The following UNC5B variants were observed in gnomAD, a reference collection of about 807,000 sequenced individuals.
UNC5B encodes the protein unc-5 netrin receptor B.
A neutral mutation model predicts 103.7 loss-of-function variants in UNC5B; 56 were observed. The observed-to-expected ratio is 0.54, with a 90% confidence interval of 0.44 to 0.67. The LOEUF is 0.67. Ranked by LOEUF, UNC5B falls within the 30% of genes least tolerant of loss-of-function variation. The pLI is 0.00. For synonymous variants in UNC5B, 577 were observed against 542.0 expected, an observed-to-expected ratio of 1.06 and a Z score of -0.90; for missense variants, 1,194 against 1,284.5, an observed-to-expected ratio of 0.93 and a Z score of 1.08.
At chr10:71,221,394 G>A (rs920898743) in intron 1 of UNC5B, among the ~76,000 whole-genome samples, 3 of 152,200 alleles carry the variant, frequency 2.0e-5, no homozygotes, top group Admixed American at 6.5e-5. Flanking sequence ...GACTTTGCAG[G>A]CCTGGCCCCC....
At chr10:71,219,910 T>C (rs994044279) in intron 1 of UNC5B, among the ~76,000 whole-genome samples, 44 of 152,208 alleles carry the variant, frequency 2.9e-4, no homozygotes, top group Non-Finnish European at 4.9e-4. Context: ...TTCCAGTTCT[T>C]CTGAGAGCAT....
chr10:71,258,461 TTCC>T lies in UNC5B; in HGVS notation c.80-21353_80-21351del, dbSNP rs141564422. ...TTCTTGAGGGTCCCAAGACCACCCATTCCTCCTCCAAGCCCAGCCCTGTAGCTC... is the reference window on the plus strand; with the variant it reads ...TTCTTGAGGGTCCCAAGACCACCCATTCCTCCAAGCCCAGCCCTGTAGCTC... On this transcript the variant is annotated intron_variant, in intron 1 of 16. Transcript: ENST00000335350. Among the ~76,000 whole-genome samples the T allele has an allele frequency of 3.3e-5, 5 of 152,236 alleles. No homozygotes were observed. In the East Asian group the frequency reaches 9.7e-4, roughly 29 times the overall value.
intron 1 of UNC5B, among the ~76,000 whole-genome samples, chr10:71,279,323 C>G (rs1056118892): frequency 6.6e-6 from 1 of 152,208 alleles, no homozygotes; most frequent in African/African-American, 2.4e-5. Context: ...GCTCCTGTCC[C>G]GCTTGCCAGC....
At chr10:71,251,027 G>T (rs1844160103) in intron 1 of UNC5B, among the ~76,000 whole-genome samples, 1 of 152,170 alleles carries the variant, frequency 6.6e-6, no homozygotes, top group African/African-American at 2.4e-5. Flanking sequence ...CTCAGATCTG[G>T]CTCAGTTGGG....
intron 1 of UNC5B, among the ~76,000 whole-genome samples, chr10:71,224,852 G>A (rs1474311068): frequency 1.3e-5 from 2 of 152,148 alleles, no homozygotes; most frequent in Non-Finnish European, 2.9e-5. Flanking sequence ...TTCTGATATT[G>A]CCTTCTTGAC....
intron 1 of UNC5B, among the ~76,000 whole-genome samples, chr10:71,248,185 T>A (rs1255353195): frequency 6.6e-6 from 1 of 152,140 alleles, no homozygotes; most frequent in Non-Finnish European, 1.5e-5. Context: ...GATAGCAGTC[T>A]TGGGGCCTCC....
intron 1 of UNC5B, among the ~76,000 whole-genome samples, chr10:71,271,056 G>A (rs1023654979): frequency 6.6e-6 from 1 of 152,162 alleles, no homozygotes; most frequent in African/African-American, 2.4e-5. Context: ...GCTGGCCCCA[G>A]GCCTTACTCC....
chr10:71,231,616 A>T (rs1316039580), intron 1 of UNC5B, among the ~76,000 whole-genome samples: 1 of 152,146 alleles, frequency 6.6e-6, no homozygotes, highest in Admixed American at 6.5e-5. Flanking sequence ...TTAGCAAACG[A>T]AAAACCACAA....
intron 1 of UNC5B, among the ~76,000 whole-genome samples, chr10:71,278,367 C>T (rs999197822): frequency 5.3e-5 from 8 of 152,130 alleles, no homozygotes; most frequent in African/African-American, 1.7e-4. Flanking sequence ...TCAGACATAA[C>T]GAGGTAGGTG....
chr10:71,251,343 G>T (rs1322708316), intron 1 of UNC5B, among the ~76,000 whole-genome samples: 4 of 152,220 alleles, frequency 2.6e-5, no homozygotes, highest in East Asian at 3.8e-4. Context: ...TCTTCATGCG[G>T]TTTTTAAACT....
chr10:71,223,430 G>A (rs748789520), intron 1 of UNC5B, among the ~76,000 whole-genome samples: 1 of 152,138 alleles, frequency 6.6e-6, no homozygotes, highest in Non-Finnish European at 1.5e-5. Flanking sequence ...CTGCCTGCCT[G>A]CTTCCCTCCC....
chr10:71,291,288 C>A, intron 9 of UNC5B, 144 bp from the exon 10 acceptor site: 2 of 1,376,822 alleles, frequency 1.5e-6, no homozygotes, highest in Non-Finnish European at 2.0e-6. Context: ...AGGGAGTGAC[C>A]CAGGCTGCGG....
intron 1 of UNC5B, among the ~76,000 whole-genome samples, chr10:71,276,910 T>G (rs1436265880): frequency 6.6e-6 from 1 of 152,028 alleles, no homozygotes; most frequent in Non-Finnish European, 1.5e-5. Context: ...AACAGCTACA[T>G]CAAGAGCCAT....
At chr10:71,260,716 G>A (rs1464858021) in intron 1 of UNC5B, among the ~76,000 whole-genome samples, 1 of 152,226 alleles carries the variant, frequency 6.6e-6, no homozygotes, top group Non-Finnish European at 1.5e-5. Flanking sequence ...TATTGAAGAG[G>A]CTCCTAAGAG....
intron 1 of UNC5B, among the ~76,000 whole-genome samples, chr10:71,247,300 C>G (rs1049764564): frequency 6.6e-6 from 1 of 152,180 alleles, no homozygotes; most frequent in African/African-American, 2.4e-5. Flanking sequence ...AGTGAACATC[C>G]AGAACATCAG....
At chr10:71,216,007 G>A (rs937689689) in intron 1 of UNC5B, among the ~76,000 whole-genome samples, 1 of 152,080 alleles carries the variant, frequency 6.6e-6, no homozygotes, top group Non-Finnish European at 1.5e-5. Context: ...AATTTCTCCT[G>A]TAATCTCTCT....
intron 1 of UNC5B, among the ~76,000 whole-genome samples, chr10:71,226,709 C>T (rs12355891): frequency 0.051 from 7,747 of 152,326 alleles, 239 homozygotes; most frequent in Non-Finnish European, 0.079. Flanking sequence ...TGCAGGAATG[C>T]AAGAGTGGTT....
chr10:71,228,608 C>T (rs1346746183), intron 1 of UNC5B, among the ~76,000 whole-genome samples: 1 of 152,228 alleles, frequency 6.6e-6, no homozygotes, highest in Non-Finnish European at 1.5e-5. Context: ...GACCCTCGAA[C>T]AGACTTACTC....
At position 71,291,599 on chromosome 10, in the gene UNC5B, A is replaced by T. The variant is rs994592405; in HGVS notation, c.1462A>T (p.Ser488Cys). The T allele has an allele frequency of 6.2e-7, 1 of 1,614,108 alleles. No homozygotes were observed. The highest frequency in any genetic ancestry group is 8.5e-7 in the Non-Finnish European group (1 of 1,180,026). The stretch of plus-strand genomic sequence containing the variant: ...CCTTAAGGTCAAGGTCTACAGCTCC[A>T]GCACCACGGGCTCTGGGCCAGGCCT... ...PSLKVKVYSS[S>C]TTGSGPGLAD... Residue 488 changes from serine (S) to cysteine (C), a missense_variant, in exon 10 of 17, where the codon AGC (serine) becomes TGC (cysteine). Ser to Cys is a moderately radical substitution (Grantham distance 112). Transcript: ENST00000335350.
Sources: gnomAD v4.1 joint callset for allele counts (sites outside exome capture counted in the v4.1 genomes callset) on GRCh38, gnomAD v4.1.1 for gene constraint, MANE v1.5 for transcripts, NCBI Gene and HGNC (gene_info 2026-07-23, HGNC 2026-07-21) for gene names.